Variants in LSAMP observed in about 807,000 individuals in gnomAD.
The protein encoded by LSAMP is limbic system associated membrane protein.
A neutral mutation model predicts 38.6 loss-of-function variants in LSAMP; 7 were observed. The observed-to-expected ratio is 0.18, with a 90% CI of 0.10 to 0.34. The LOEUF (loss-of-function observed/expected upper bound fraction) is 0.34, where lower values mean the gene tolerates loss of function less well. LSAMP is among the 10% of genes least tolerant of loss of function. LSAMP has a pLI of 1.00. For missense variants in LSAMP, 313 were observed against 420.0 expected, an observed-to-expected ratio of 0.75 and a Z score of 2.23; for synonymous variants, 154 against 166.8, an observed-to-expected ratio of 0.92 and a Z score of 0.59.
chr3:116,427,455 A>C (rs2049217618), intron 1 of LSAMP, among the ~76,000 whole-genome samples: 2 of 152,274 alleles, frequency 1.3e-5, no homozygotes, highest in South Asian at 4.1e-4. Context: ...TGTCCATAGA[A>C]ACACATCAGC....
intron 1 of LSAMP, among the ~76,000 whole-genome samples, chr3:116,312,690 C>T (rs1249880425): frequency 1.3e-5 from 2 of 152,100 alleles, no homozygotes; most frequent in African/African-American, 4.8e-5. Flanking sequence ...AGCCTCATAC[C>T]CACGCTATGG....
At chr3:116,444,116 G>T (rs1228296115) in intron 1 of LSAMP, among the ~76,000 whole-genome samples, 1 of 152,086 alleles carries the variant, frequency 6.6e-6, no homozygotes, top group African/African-American at 2.4e-5. Flanking sequence ...TCCATTTTAT[G>T]CCAGGTTAAT....
intron 3 of LSAMP, among the ~76,000 whole-genome samples, chr3:115,906,505 C>T (rs772302105): frequency 1.3e-5 from 2 of 151,840 alleles, no homozygotes; most frequent in African/African-American, 4.8e-5. Context: ...GACTAGACTT[C>T]GAAGAGAAGG....
At chr3:116,291,104 T>G (rs2047261554) in intron 1 of LSAMP, among the ~76,000 whole-genome samples, 1 of 152,240 alleles carries the variant, frequency 6.6e-6, no homozygotes, top group Admixed American at 6.5e-5. Context: ...TTATCTGTAC[T>G]GGGCTTGTTC....
intron 1 of LSAMP, among the ~76,000 whole-genome samples, chr3:116,250,697 A>C (rs2046669507): frequency 9.2e-5 from 2 of 21,832 alleles, no homozygotes; most frequent in African/African-American, 2.2e-4. Context: ...CCTTGTATCT[A>C]CAAAAAAAAA....
Position 116,444,999 on chromosome 3 carries a change from C to T in LSAMP, c.33G>A (p.Gln11=). Residue 11 remains glutamine, a synonymous_variant, in exon 1 of 7, where the codon CAG becomes CAA. Transcript: ENST00000490035. ...GCAATCTCAGTAGGACCAGTGGCAA[C>T]TGTTTCCGATCCGGCTGAACTCTCC... MVRRVQPDRK[Q]LPLVLLRLLC... is the part of the protein sequence containing the mutation. The T allele has an allele frequency of 2.5e-6, 4 of 1,614,044 alleles. No individual in the cohort carries two copies. The highest frequency in any genetic ancestry group is 3.4e-6 in the Non-Finnish European group (4 of 1,179,984).
chr3:116,358,169 G>GAAC lies in LSAMP; in HGVS notation c.155+86705_155+86707dup, dbSNP rs1167235966. Among the ~76,000 whole-genome samples, 5 of 152,270 alleles carry GAAC rather than the reference G, an allele frequency of 3.3e-5. No homozygotes were observed. The East Asian group carries it at 9.7e-4, about 29-fold the overall frequency. On this transcript the variant is annotated intron_variant, in intron 1 of 6. Coordinates refer to ENST00000490035, the MANE Select transcript of LSAMP (RefSeq NM_002338.5). ...TTGACAGGCAGAATGTCACCAGGTA[G>GAAC]AACATAGCAGTGTCTGTTCCCCAAA...
chr3:115,942,900 G>A (rs1038568932), intron 3 of LSAMP, among the ~76,000 whole-genome samples: 1 of 152,146 alleles, frequency 6.6e-6, no homozygotes, highest in South Asian at 2.1e-4. Flanking sequence ...ACATTCAATT[G>A]TCAACATTAG....
chr3:115,908,465 G>A (rs935809800), intron 3 of LSAMP, among the ~76,000 whole-genome samples: 1 of 152,116 alleles, frequency 6.6e-6, no homozygotes, highest in Admixed American at 6.6e-5. Flanking sequence ...GCAAAAACCT[G>A]AACACAGGAC....
rs543846063 is a variant in LSAMP, at chr3:116,155,165, G to A, written c.156-68609C>T. Among the ~76,000 whole-genome samples, 12 of 152,028 alleles carry A rather than the reference G, an allele frequency of 7.9e-5. No homozygotes were observed. In the South Asian group the frequency reaches 2.5e-3, roughly 32 times the overall value. ...TTATTTCTGAGACTATTTGATTAAT[G>A]TCTGTTCTCATTCACTGGACTCTCT... is the stretch of plus-strand genomic sequence containing the variant. On this transcript the variant is annotated intron_variant, in intron 1 of 6. Coordinates refer to ENST00000490035, the MANE Select transcript of LSAMP (RefSeq NM_002338.5).
intron 3 of LSAMP, among the ~76,000 whole-genome samples, chr3:115,890,992 G>C (rs924429365): frequency 2.0e-5 from 3 of 151,926 alleles, no homozygotes; most frequent in Non-Finnish European, 2.9e-5. Context: ...GGGAGGCTTA[G>C]CTAGGAATAA....
At chr3:116,288,630 T>C (rs1354014246) in intron 1 of LSAMP, among the ~76,000 whole-genome samples, 1 of 152,190 alleles carries the variant, frequency 6.6e-6, no homozygotes, top group Non-Finnish European at 1.5e-5. Context: ...GTCCCGAAAA[T>C]ACTGAGAGTT....
At chr3:116,032,222 T>C (rs1431715239) in intron 2 of LSAMP, among the ~76,000 whole-genome samples, 1 of 152,092 alleles carries the variant, frequency 6.6e-6, no homozygotes, top group Non-Finnish European at 1.5e-5. Context: ...ATAATAAAAG[T>C]AATAATGACA....
At chr3:115,811,204 C>G (rs573644064) in intron 6 of LSAMP, among the ~76,000 whole-genome samples, 1 of 152,138 alleles carries the variant, frequency 6.6e-6, no homozygotes, top group Non-Finnish European at 1.5e-5. Context: ...CTGCTGCCAC[C>G]TTAGTTTTCC....
At chr3:116,065,599 T>C (rs1035991978) in intron 2 of LSAMP, among the ~76,000 whole-genome samples, 1 of 152,204 alleles carries the variant, frequency 6.6e-6, no homozygotes, top group African/African-American at 2.4e-5. Flanking sequence ...AATTATAAAA[T>C]AGGGACTGTA....
chr3:116,067,228 T>A (rs146946316), intron 2 of LSAMP, among the ~76,000 whole-genome samples: 1 of 152,200 alleles, frequency 6.6e-6, no homozygotes, highest in African/African-American at 2.4e-5. Context: ...AGAGAGCATA[T>A]AATGTGTCTG....
At chr3:116,120,778 T>C (rs1228102002) in intron 1 of LSAMP, among the ~76,000 whole-genome samples, 2 of 152,226 alleles carry the variant, frequency 1.3e-5, no homozygotes, top group Non-Finnish European at 2.9e-5. Context: ...AAGTTTGTGT[T>C]TGGTTTAAGA....
At chr3:115,822,253 G>C (rs901799286) in intron 6 of LSAMP, among the ~76,000 whole-genome samples, 2 of 152,022 alleles carry the variant, frequency 1.3e-5, no homozygotes, top group African/African-American at 4.8e-5. Flanking sequence ...TCTGGGGCTA[G>C]TGAAGTAAGA....
chr3:116,438,252 T>C (rs1393278032), intron 1 of LSAMP, among the ~76,000 whole-genome samples: 3 of 152,188 alleles, frequency 2.0e-5, no homozygotes, highest in Non-Finnish European at 4.4e-5. Flanking sequence ...CTAAAAGTTA[T>C]ATCCTGCTGT....
Sources: gnomAD v4.1 joint callset for allele counts (sites outside exome capture counted in the v4.1 genomes callset) on GRCh38, gnomAD v4.1.1 for gene constraint, MANE v1.5 for transcripts, NCBI Gene and HGNC (gene_info 2026-07-23, HGNC 2026-07-21) for gene names.